Variants in TFB1M observed in about 807,000 individuals in gnomAD.
TFB1M encodes dimethyladenosine transferase 1, mitochondrial.
A neutral mutation model predicts 31.1 loss-of-function variants in TFB1M; 27 were observed. The ratio of observed to expected loss-of-function variants is 0.87; its 90% CI spans 0.64 to 1.20. The LOEUF (loss-of-function observed/expected upper bound fraction) is 1.20, where lower values mean the gene tolerates loss of function less well. Ranked by LOEUF, TFB1M falls within the 50% of genes most tolerant of loss-of-function variation. The pLI is 0.00. For synonymous variants in TFB1M, 166 were observed against 151.8 expected (o/e 1.09, Z -0.69); for missense variants, 394 against 418.7 (o/e 0.94, Z 0.51).
intron 5 of TFB1M, among the ~76,000 whole-genome samples, chr6:155,277,779 A>G (rs1258650719): frequency 6.6e-6 from 1 of 152,214 alleles, no homozygotes. Flanking sequence ...TATTTTATAC[A>G]CAAGTGTCAT....
downstream of TFB1M, chr6:155,254,657 G>A: frequency 6.6e-7 from 1 of 1,517,860 alleles, no homozygotes; most frequent in East Asian, 2.3e-5. Context: ...ACATAGCTGT[G>A]ACTTTTCACT....
intron 5 of TFB1M, among the ~76,000 whole-genome samples, chr6:155,278,177 C>G (rs111702854): frequency 0.012 from 1,858 of 152,268 alleles, 34 homozygotes; most frequent in Non-Finnish European, 0.015. Context: ...ACCTGCACTC[C>G]TCCCAGCCTC....
chr6:155,243,869 A>G, the TFB1M span: 1 of 582,170 alleles, frequency 1.7e-6, no homozygotes, highest in Non-Finnish European at 3.0e-6. Flanking sequence ...AAAAAAAAAA[A>G]AAAAAAAAGA....
the TFB1M span, among the ~76,000 whole-genome samples, chr6:155,247,536 C>T: frequency 6.6e-6 from 1 of 152,164 alleles, no homozygotes. Context: ...CCATGTTGGC[C>T]AGGCTGGTCT....
At chr6:155,249,843 T>A in the TFB1M span, 7 of 1,598,204 alleles carry the variant, frequency 4.4e-6, no homozygotes, top group Non-Finnish European at 6.0e-6. Context: ...TGATTTCATA[T>A]CTTGCAGAAG....
chr6:155,240,585 G>C, the TFB1M span: 2 of 1,614,120 alleles, frequency 1.2e-6, no homozygotes, highest in Non-Finnish European at 1.7e-6. Context: ...CAGGCCAACG[G>C]CATGGAAGGA....
intron 4 of TFB1M, among the ~76,000 whole-genome samples, chr6:155,290,790 C>T (rs532306963): frequency 1.3e-5 from 2 of 152,130 alleles, no homozygotes; most frequent in Non-Finnish European, 2.9e-5. Context: ...ATAATCATGT[C>T]GGCTGAGAAA....
At chr6:155,285,344 A>C in intron 4 of TFB1M, 67 bp from the exon 5 acceptor site, 1 of 1,594,108 alleles carries the variant, frequency 6.3e-7, no homozygotes, top group Non-Finnish European at 8.6e-7. Flanking sequence ...AAAAGAGTCA[A>C]CATTCCATTA....
chr6:155,242,394 A>G, the TFB1M span, among the ~76,000 whole-genome samples: 3 of 152,060 alleles, frequency 2.0e-5, no homozygotes, highest in Non-Finnish European at 2.9e-5. Flanking sequence ...AATTTTTGAC[A>G]TCTATGTGTT....
chr6:155,308,851 C>T (rs162985), intron 2 of TFB1M, among the ~76,000 whole-genome samples: 103,388 of 151,978 alleles, frequency 0.68, 35,591 homozygotes, highest in East Asian at 0.98. Flanking sequence ...AATAGATCAC[C>T]TTCTTTCTGC....
chr6:155,311,130 G>A, intron 2 of TFB1M, 58 bp downstream of exon 2: 1 of 1,584,200 alleles, frequency 6.3e-7, no homozygotes, highest in Non-Finnish European at 8.7e-7. Flanking sequence ...TAAGCATCAT[G>A]GCATAAAGAT....
intron 5 of TFB1M, among the ~76,000 whole-genome samples, chr6:155,282,264 C>T (rs1776398481): frequency 1.3e-5 from 2 of 152,116 alleles, no homozygotes; most frequent in African/African-American, 2.4e-5. Flanking sequence ...CACTAGAGAG[C>T]TTAATAAGAG....
At chr6:155,260,147 G>C in intron 6 of TFB1M, 126 bp downstream of exon 6, 1 of 1,119,942 alleles carries the variant, frequency 8.9e-7, no homozygotes, top group East Asian at 2.5e-5. Context: ...AGTCTTGTCC[G>C]TCACAGGCCT....
intron 4 of TFB1M, among the ~76,000 whole-genome samples, chr6:155,294,450 T>C (rs1417464485): frequency 1.3e-5 from 2 of 151,332 alleles, no homozygotes; most frequent in African/African-American, 4.9e-5. Flanking sequence ...TATTAAAGAG[T>C]ATGTGAGAAC....
chr6:155,297,029 T>A lies in TFB1M; in HGVS notation c.470A>T (p.Asn157Ile), dbSNP rs1304480967. The A allele has an allele frequency of 6.2e-7, 1 of 1,613,852 alleles. No individual in the cohort carries two copies. The highest frequency in any genetic ancestry group is 8.5e-7 in the Non-Finnish European group (1 of 1,179,922). The stretch of plus-strand genomic sequence containing the variant: ...AAAAGGTCCATCTCTACAGGAAATA[T>A]TTTCAAGCCACTTGATAATCAGTGG... ...STPLIIKWLENISCRDGPFVY... is the reference protein window; with the variant it reads ...STPLIIKWLEIISCRDGPFVY... The change falls in exon 4 of 7, where the codon AAT becomes ATT. Residue 157 changes from asparagine to isoleucine, a missense_variant. Around this residue, in one of 3 missense-constraint regions of TFB1M, gnomAD observed 273 missense variants for 256.4 expected, o/e 1.06. Transcript: ENST00000367166.
At chr6:155,258,119 T>C in intron 6 of TFB1M, 37 bp from the exon 7 acceptor site, 1 of 1,612,860 alleles carries the variant, frequency 6.2e-7, no homozygotes, top group Non-Finnish European at 8.5e-7. Context: ...AATAAGAATT[T>C]TACTTAAATT....
At chr6:155,295,498 A>G (rs1777128035) in intron 4 of TFB1M, among the ~76,000 whole-genome samples, 1 of 152,216 alleles carries the variant, frequency 6.6e-6, no homozygotes, top group Non-Finnish European at 1.5e-5. Flanking sequence ...AAGGAGATGC[A>G]ATCAGAGTAA....
rs577210255 is a variant in TFB1M at position 155,256,435 on chromosome 6, T to C, written c.*1401A>G. 8 of 1,611,968 alleles carry C rather than the reference T, an allele frequency of 5.0e-6. No homozygotes were observed. Among genetic ancestry groups the C allele is most frequent in the Non-Finnish European group, 6.8e-6 (8 of 1,179,458 alleles). On this transcript the variant is annotated 3_prime_UTR_variant, in exon 7 of 7. Coordinates refer to ENST00000367166, the MANE Select transcript of TFB1M (RefSeq NM_016020.4). Reference sequence around the variant, plus strand: ...AAGCTTTGAGGCAAACATTACACATTGTGTAACCTGTTTCTGTATCACAGC... The same window carrying C: ...AAGCTTTGAGGCAAACATTACACATCGTGTAACCTGTTTCTGTATCACAGC...
At chr6:155,307,117 A>T (rs1397939973) in intron 2 of TFB1M, among the ~76,000 whole-genome samples, 1 of 146,952 alleles carries the variant, frequency 6.8e-6, no homozygotes, top group Non-Finnish European at 1.5e-5. Context: ...TGACAGAGTG[A>T]GACCATGTCT....
Sources: gnomAD v4.1 joint callset for allele counts (sites outside exome capture counted in the v4.1 genomes callset) on GRCh38, gnomAD v4.1.1 for gene constraint, gnomAD v4.1.1 regional missense constraint, MANE v1.5 for transcripts, NCBI Gene and HGNC (gene_info 2026-07-23, HGNC 2026-07-21) for gene names.